Variants in L3MBTL4 observed in about 807,000 individuals in gnomAD.
L3MBTL4 encodes L3MBTL histone methyl-lysine binding protein 4.
A neutral mutation model predicts 84.5 loss-of-function variants in L3MBTL4; 70 were observed. The observed-to-expected ratio is 0.83, with a 90% CI of 0.68 to 1.01. The LOEUF is 1.01. L3MBTL4 is among the 50% of genes least tolerant of loss of function. The pLI, the probability that L3MBTL4 is intolerant of heterozygous loss-of-function variation, is 0.00. For synonymous variants in L3MBTL4, 274 were observed against 259.8 expected, an observed-to-expected ratio of 1.05 and a Z score of -0.52; for missense variants, 715 against 754.8, an observed-to-expected ratio of 0.95 and a Z score of 0.62.
Position 6,106,254 on chromosome 18 carries a change from T to G in L3MBTL4, c.1200-12726A>C, listed in dbSNP as rs576097706. Among the ~76,000 whole-genome samples the G allele has an allele frequency of 7.9e-5, 12 of 152,182 alleles. No individual in the cohort carries two copies. The East Asian group carries it at 2.3e-3, about 29-fold the overall frequency. ...TTTTCTCTGAAGACATTACAGAAAA[T>G]AAAAATTATGAAACACCTGGCACAA... On this transcript the variant is annotated intron_variant, in intron 14 of 18. Transcript: ENST00000317931.
At chr18:6,023,654 C>T (rs2055369293) in intron 16 of L3MBTL4, among the ~76,000 whole-genome samples, 1 of 152,098 alleles carries the variant, frequency 6.6e-6, no homozygotes, top group East Asian at 1.9e-4. Flanking sequence ...ATTGAAGTTG[C>T]CTGGAAGAGG....
At chr18:6,107,426 C>T (rs547515386) in intron 14 of L3MBTL4, among the ~76,000 whole-genome samples, 5 of 152,190 alleles carry the variant, frequency 3.3e-5, no homozygotes, top group Non-Finnish European at 5.9e-5. Flanking sequence ...ATCCTCACTG[C>T]GCGGGCTGTG....
intron 13 of L3MBTL4, among the ~76,000 whole-genome samples, chr18:6,151,886 A>C (rs941771192): frequency 2.0e-5 from 3 of 152,016 alleles, no homozygotes; most frequent in Non-Finnish European, 4.4e-5. Flanking sequence ...ACATTTCTCC[A>C]TTTCTGTTAC....
intron 1 of L3MBTL4, among the ~76,000 whole-genome samples, chr18:6,337,949 G>A (rs2052423491): frequency 6.6e-6 from 1 of 151,894 alleles, no homozygotes; most frequent in South Asian, 2.1e-4. Context: ...ATAAGACATA[G>A]AGCTGACTTC....
intron 16 of L3MBTL4, among the ~76,000 whole-genome samples, chr18:6,009,563 A>G (rs1313973570): frequency 2.0e-5 from 3 of 152,210 alleles, no homozygotes; most frequent in East Asian, 1.9e-4. Flanking sequence ...TACCATTGAC[A>G]GGATGCTTGA....
chr18:6,374,488 T>G (rs1251654072), intron 1 of L3MBTL4: 1 of 154,836 alleles, frequency 6.5e-6, no homozygotes, highest in Non-Finnish European at 1.5e-5. Context: ...TGTGGGATTG[T>G]GCCTAACAGG....
intron 1 of L3MBTL4, among the ~76,000 whole-genome samples, chr18:6,398,504 C>T (rs1186872909): frequency 6.6e-6 from 1 of 152,146 alleles, no homozygotes; most frequent in African/African-American, 2.4e-5. Flanking sequence ...CTCTGGGGAG[C>T]TGAGCTCATA....
At chr18:6,389,699 G>C (rs2144500870) in intron 1 of L3MBTL4, among the ~76,000 whole-genome samples, 1 of 152,168 alleles carries the variant, frequency 6.6e-6, no homozygotes, top group South Asian at 2.1e-4. Flanking sequence ...AGTTAAAAAA[G>C]ACAAAGAGGG....
intron 12 of L3MBTL4, among the ~76,000 whole-genome samples, chr18:6,174,600 T>C (rs2044137495): frequency 6.6e-6 from 1 of 152,160 alleles, no homozygotes; most frequent in Non-Finnish European, 1.5e-5. Flanking sequence ...TCCGGTGTGA[T>C]GGCTCACACC....
intron 16 of L3MBTL4, among the ~76,000 whole-genome samples, chr18:6,048,288 C>G (rs1183837148): frequency 6.6e-6 from 1 of 151,956 alleles, no homozygotes; most frequent in African/African-American, 2.4e-5. Flanking sequence ...AAATTAGTAT[C>G]ATTAAAATGG....
chr18:6,390,700 C>T lies in L3MBTL4; in HGVS notation c.-91+24101G>A, dbSNP rs542361498. Reference sequence around the variant, plus strand: ...AATCCTTCGAGACTGCTATGCACACCTCTATGCACACAAACTAGAAAATCT... The same window carrying T: ...AATCCTTCGAGACTGCTATGCACACTTCTATGCACACAAACTAGAAAATCT... On this transcript the variant is annotated intron_variant, in intron 1 of 18. Transcript: ENST00000317931. 6.6e-4 allele frequency among the ~76,000 whole-genome samples: 100 copies of T among 152,106 alleles called. 1 individual carries two copies. The highest frequency in any genetic ancestry group is 2.3e-3 in the African/African-American group (94 of 41,438).
intron 15 of L3MBTL4, among the ~76,000 whole-genome samples, chr18:6,093,073 T>C (rs2058512494): frequency 6.6e-6 from 1 of 152,212 alleles, no homozygotes; most frequent in Admixed American, 6.5e-5. Context: ...AAGGGAATCT[T>C]TTGGAATGGT....
intron 10 of L3MBTL4, among the ~76,000 whole-genome samples, chr18:6,237,229 T>C (rs946895325): frequency 4.6e-5 from 7 of 152,110 alleles, no homozygotes; most frequent in African/African-American, 7.2e-5. Context: ...TGGAGACCCA[T>C]TGTTAAGTTA....
chr18:6,302,835 G>T (rs967259215), intron 3 of L3MBTL4, among the ~76,000 whole-genome samples: 1 of 151,906 alleles, frequency 6.6e-6, no homozygotes, highest in African/African-American at 2.4e-5. Flanking sequence ...ATACAAAAAA[G>T]AAAAAATAAG....
chr18:6,254,171 T>G (rs938410682), intron 5 of L3MBTL4, among the ~76,000 whole-genome samples: 2 of 152,164 alleles, frequency 1.3e-5, no homozygotes, highest in African/African-American at 2.4e-5. Flanking sequence ...CCTAATTCCC[T>G]GAGGATATTA....
chr18:6,032,295 A>G, intron 16 of L3MBTL4: 1 of 986,796 alleles, frequency 1.0e-6, no homozygotes, highest in Middle Eastern at 3.3e-4. Flanking sequence ...AAAAAAAAAA[A>G]AAAAGAACTA....
chr18:6,046,800 T>C, intron 16 of L3MBTL4: 1 of 757,132 alleles, frequency 1.3e-6, no homozygotes, highest in Non-Finnish European at 2.4e-6. Context: ...CTCAAAAAGT[T>C]AGCAAGATCT....
At chr18:6,402,021 G>A (rs2055534830) in intron 1 of L3MBTL4, among the ~76,000 whole-genome samples, 1 of 152,226 alleles carries the variant, frequency 6.6e-6, no homozygotes, top group Admixed American at 6.5e-5. Flanking sequence ...GCTTCAAGTG[G>A]CAGTAAGCCT....
At chr18:6,142,874 G>T (rs1414163934) in intron 13 of L3MBTL4, among the ~76,000 whole-genome samples, 1 of 152,168 alleles carries the variant, frequency 6.6e-6, no homozygotes, top group South Asian at 2.1e-4. Context: ...GGGAGACAGT[G>T]AGACTGTATC....
Sources: allele counts gnomAD v4.1 joint callset (sites outside exome capture counted in the v4.1 genomes callset), GRCh38; gene constraint gnomAD v4.1.1; transcripts MANE v1.5; gene names NCBI Gene and HGNC (gene_info 2026-07-23, HGNC 2026-07-21).